Variants in RHBDL2 observed in about 807,000 individuals in gnomAD.
RHBDL2 encodes the protein rhomboid like 2.
A neutral mutation model predicts 31.7 loss-of-function variants in RHBDL2; 26 were observed. The observed-to-expected ratio is 0.82, with a 90% confidence interval of 0.60 to 1.14. The LOEUF is 1.14. Among genes scored for constraint, RHBDL2 ranks in the 50% most tolerant of loss-of-function variants. RHBDL2 has a pLI of 0.00. For synonymous variants in RHBDL2, 123 were observed against 127.2 expected, an observed-to-expected ratio of 0.97 and a Z score of 0.22; for missense variants, 336 against 364.4, an observed-to-expected ratio of 0.92 and a Z score of 0.63.
At chr1:38,921,658 A>C (rs1216860977) in intron 1 of RHBDL2, among the ~76,000 whole-genome samples, 1 of 152,008 alleles carries the variant, frequency 6.6e-6, no homozygotes, top group African/African-American at 2.4e-5. Context: ...TCCCCAGCAA[A>C]TTTTCTGAAA....
At chr1:38,918,336 T>C (rs1396457422) in intron 2 of RHBDL2, among the ~76,000 whole-genome samples, 1 of 152,046 alleles carries the variant, frequency 6.6e-6, no homozygotes, top group Non-Finnish European at 1.5e-5. Flanking sequence ...CCAGTTCCTT[T>C]ATAGGACATC....
At chr1:38,886,800 G>C in intron 7 of RHBDL2, 117 bp from the exon 8 acceptor site, 1 of 796,062 alleles carries the variant, frequency 1.3e-6, no homozygotes, top group Admixed American at 3.7e-5. Flanking sequence ...AGTCTTAAAG[G>C]TCTAGAGAAC....
intron 1 of RHBDL2, among the ~76,000 whole-genome samples, chr1:38,935,478 T>G (rs905192188): frequency 2.0e-5 from 3 of 152,224 alleles, no homozygotes; most frequent in Non-Finnish European, 4.4e-5. Flanking sequence ...AACCTCTTTG[T>G]GCCTTGGGAG....
intron 1 of RHBDL2, among the ~76,000 whole-genome samples, chr1:38,938,264 C>T (rs1331942442): frequency 1.3e-5 from 2 of 152,092 alleles, no homozygotes; most frequent in African/African-American, 2.4e-5. Flanking sequence ...ATCCGCCCGC[C>T]TCGGCCTCCC....
intron 4 of RHBDL2, among the ~76,000 whole-genome samples, chr1:38,902,201 CTTTTTTT>C (rs770169792): frequency 6.2e-4 from 58 of 92,820 alleles, no homozygotes; most frequent in African/African-American, 2.0e-3. Context: ...TTTTCTTTTT[CTTTTTTT>C]TTTTTTTTTT....
intron 3 of RHBDL2, 89 bp from the exon 4 acceptor site, chr1:38,911,523 C>A: frequency 2.4e-6 from 2 of 840,842 alleles, no homozygotes; most frequent in South Asian, 1.5e-5. Context: ...TGTGTTTTCT[C>A]TAGTTAAGGA....
At chr1:38,889,442 T>A (rs1642828135) in intron 6 of RHBDL2, among the ~76,000 whole-genome samples, 4 of 152,072 alleles carry the variant, frequency 2.6e-5, no homozygotes, top group Non-Finnish European at 5.9e-5. Flanking sequence ...GGAAGTAGAC[T>A]ATAAGGGAGC....
Position 38,938,744 on chromosome 1 carries a change from C to T in RHBDL2, c.-126+2938G>A, listed in dbSNP as rs549004028. On this transcript the variant is annotated intron_variant, in intron 1 of 7. Transcript: ENST00000372990. Reference sequence around the variant, plus strand: ...ACATGCTTAGCATTGTGTTAGGCACCGAGGATGCATGGTAGAATTAAATGC... The same window carrying T: ...ACATGCTTAGCATTGTGTTAGGCACTGAGGATGCATGGTAGAATTAAATGC... Among the ~76,000 whole-genome samples, 7 of 152,162 alleles carry T rather than the reference C, an allele frequency of 4.6e-5. No homozygotes were observed. In the South Asian group the frequency reaches 8.3e-4, roughly 18 times the overall value.
At chr1:38,915,260 G>A (rs1411186602) in intron 3 of RHBDL2, among the ~76,000 whole-genome samples, 1 of 151,538 alleles carries the variant, frequency 6.6e-6, no homozygotes, top group South Asian at 2.1e-4. Context: ...AGCCTCCCGG[G>A]ACTACAGGTA....
intron 4 of RHBDL2, among the ~76,000 whole-genome samples, chr1:38,903,940 A>T (rs1002652212): frequency 4.6e-5 from 7 of 152,220 alleles, no homozygotes; most frequent in African/African-American, 1.7e-4. Context: ...TTCAACAAAG[A>T]TACAAAAGCA....
chr1:38,928,173 G>T (rs1187585375), intron 1 of RHBDL2, among the ~76,000 whole-genome samples: 1 of 131,766 alleles, frequency 7.6e-6, no homozygotes, highest in South Asian at 2.3e-4. Context: ...ACGGAGTCTC[G>T]CTTTGTCGCC....
chr1:38,934,870 A>T (rs1444640365), intron 1 of RHBDL2, among the ~76,000 whole-genome samples: 1 of 151,744 alleles, frequency 6.6e-6, no homozygotes, highest in Non-Finnish European at 1.5e-5. Flanking sequence ...AGGCAGGAGA[A>T]TCACTTGAAC....
intron 1 of RHBDL2, chr1:38,925,940 A>T: frequency 7.9e-7 from 1 of 1,268,044 alleles, no homozygotes; most frequent in Non-Finnish European, 1.0e-6. Flanking sequence ...CTTTGGGAGT[A>T]ACTAATAAAT....
At chr1:38,896,220 T>A in intron 4 of RHBDL2, 151 bp from the exon 5 acceptor site, 1 of 594,250 alleles carries the variant, frequency 1.7e-6, no homozygotes, top group Non-Finnish European at 3.0e-6. Flanking sequence ...CATAGAAGCA[T>A]AGCTGTATAT....
chr1:38,891,426 G>C (rs1394301141), intron 6 of RHBDL2, among the ~76,000 whole-genome samples: 2 of 151,950 alleles, frequency 1.3e-5, no homozygotes, highest in Non-Finnish European at 2.9e-5. Context: ...TCAATAGTAG[G>C]TAAACCAGGC....
chr1:38,937,928 C>T (rs1188205633), intron 1 of RHBDL2, among the ~76,000 whole-genome samples: 4 of 152,126 alleles, frequency 2.6e-5, no homozygotes, highest in Non-Finnish European at 5.9e-5. Context: ...GGGGACCCAT[C>T]AGGCCTGAAA....
intron 4 of RHBDL2, among the ~76,000 whole-genome samples, chr1:38,908,185 T>G (rs1385398795): frequency 6.8e-6 from 1 of 147,450 alleles, no homozygotes; most frequent in African/African-American, 2.5e-5. Context: ...AAAAAAGATA[T>G]TCAACATCAT....
At chr1:38,922,160 T>G (rs1009544250) in intron 1 of RHBDL2, among the ~76,000 whole-genome samples, 1 of 152,054 alleles carries the variant, frequency 6.6e-6, no homozygotes, top group Admixed American at 6.6e-5. Context: ...CAAAACTCAC[T>G]GCATGTCTGC....
intron 1 of RHBDL2, among the ~76,000 whole-genome samples, chr1:38,922,150 C>T (rs1643323711): frequency 6.6e-6 from 1 of 152,000 alleles, no homozygotes. Flanking sequence ...CCGGTTTAGC[C>T]AAAACTCACT....
Sources: allele counts gnomAD v4.1 joint callset (sites outside exome capture counted in the v4.1 genomes callset), GRCh38; gene constraint gnomAD v4.1.1; transcripts MANE v1.5; gene names NCBI Gene and HGNC (gene_info 2026-07-23, HGNC 2026-07-21).